SPAG9: variants seen among roughly 807,000 people sequenced by gnomAD.
The protein encoded by SPAG9 is C-Jun-amino-terminal kinase-interacting protein 4.
In SPAG9, 35 loss-of-function variants were observed where a neutral mutation model predicts 166.5. The observed-to-expected ratio is 0.21, with a 90% CI of 0.16 to 0.28. The LOEUF (loss-of-function observed/expected upper bound fraction) is 0.28. Ranked by LOEUF, SPAG9 falls within the 10% of genes least tolerant of loss-of-function variation. The pLI is 1.00. For missense variants in SPAG9, 1,235 were observed against 1,603.3 expected (o/e 0.77, Z 3.92); for synonymous variants, 534 against 565.5 (o/e 0.94, Z 0.79).
chr17:51,054,116 CTTTTTTT>C (rs1157639358), intron 3 of SPAG9, among the ~76,000 whole-genome samples: 5 of 73,948 alleles, frequency 6.8e-5, no homozygotes, highest in South Asian at 5.2e-4. Context: ...AATGTGAGGG[CTTTTTTT>C]TTTTTTTTTT....
At chr17:51,080,886 C>CAAAAAAAAAA (rs200436430) in intron 1 of SPAG9, among the ~76,000 whole-genome samples, 1 of 67,852 alleles carries the variant, frequency 1.5e-5, no homozygotes, top group African/African-American at 8.8e-5. Context: ...GACTCTATCT[C>CAAAAAAAAAA]AAAAAAAAAA....
chr17:51,041,320 A>G (rs978250547), intron 5 of SPAG9, among the ~76,000 whole-genome samples, 181 bp downstream of exon 5: 1 of 152,238 alleles, frequency 6.6e-6, no homozygotes, highest in African/African-American at 2.4e-5. Context: ...ATAATTTGAA[A>G]TAAAATAGTA....
chr17:50,980,308 C>T (rs186439496), intron 25 of SPAG9, among the ~76,000 whole-genome samples: 6 of 152,106 alleles, frequency 3.9e-5, no homozygotes, highest in African/African-American at 1.4e-4. Flanking sequence ...TGGGTTCAGG[C>T]GATTCTCCTT....
At chr17:51,103,785 G>A (rs11870110) in intron 1 of SPAG9, among the ~76,000 whole-genome samples, 1 of 152,158 alleles carries the variant, frequency 6.6e-6, no homozygotes. Flanking sequence ...GGAGAGATGG[G>A]CGGTTTATAG....
chr17:51,015,284 A>G (rs2045650413), intron 8 of SPAG9, among the ~76,000 whole-genome samples: 1 of 152,136 alleles, frequency 6.6e-6, no homozygotes, highest in Non-Finnish European at 1.5e-5. Flanking sequence ...TGAAGGTACC[A>G]GCAACCACAG....
At chr17:51,003,005 C>T (rs1378875406) in intron 12 of SPAG9, among the ~76,000 whole-genome samples, 1 of 147,394 alleles carries the variant, frequency 6.8e-6, no homozygotes, top group African/African-American at 2.5e-5. Flanking sequence ...AAAAAAAAAG[C>T]ATAGAATTGC....
intron 25 of SPAG9, among the ~76,000 whole-genome samples, chr17:50,981,217 C>T (rs1974578315): frequency 6.6e-6 from 1 of 152,026 alleles, no homozygotes; most frequent in Non-Finnish European, 1.5e-5. Context: ...ATATTTTTCA[C>T]TGTTATAAAG....
intron 5 of SPAG9, among the ~76,000 whole-genome samples, chr17:51,034,868 T>C (rs1231546463): frequency 6.6e-6 from 1 of 151,880 alleles, no homozygotes; most frequent in Admixed American, 6.6e-5. Flanking sequence ...AACCTCAATC[T>C]AATAATGAGA....
intron 1 of SPAG9, among the ~76,000 whole-genome samples, chr17:51,098,942 A>C (rs1376150577): frequency 6.6e-6 from 1 of 151,940 alleles, no homozygotes; most frequent in Non-Finnish European, 1.5e-5. Context: ...TCTACTAAAA[A>C]TACAAAAATT....
intron 8 of SPAG9, among the ~76,000 whole-genome samples, chr17:51,017,394 T>TA (rs1405654347): frequency 3.9e-5 from 6 of 152,050 alleles, no homozygotes; most frequent in South Asian, 2.1e-4. Flanking sequence ...TAAGAAGTGA[T>TA]AGAGTTGTGC....
At chr17:51,074,679 G>A (rs2047917295) in intron 2 of SPAG9, among the ~76,000 whole-genome samples, 1 of 152,038 alleles carries the variant, frequency 6.6e-6, no homozygotes. Flanking sequence ...CCTTTCCCTA[G>A]AGTATTGTCA....
intron 8 of SPAG9, chr17:51,016,110 G>A (rs1303479963): frequency 6.6e-6 from 1 of 151,856 alleles, no homozygotes; most frequent in Non-Finnish European, 1.5e-5. Context: ...TTGCAATTCT[G>A]ATGGAAAAAA....
intron 12 of SPAG9, 27 bp downstream of exon 12, chr17:51,005,185 A>T: frequency 6.2e-7 from 1 of 1,608,076 alleles, no homozygotes. Context: ...GTAAGGTAAG[A>T]AAAAAAGTCC....
chr17:51,061,923 TA>T (rs2047530039), intron 2 of SPAG9, among the ~76,000 whole-genome samples: 1 of 152,182 alleles, frequency 6.6e-6, no homozygotes, highest in Non-Finnish European at 1.5e-5. Context: ...TAACATTTGA[TA>T]AACTATCAAT....
chr17:51,086,169 AG>A (rs2048301474), intron 1 of SPAG9, among the ~76,000 whole-genome samples: 1 of 151,800 alleles, frequency 6.6e-6, no homozygotes, highest in Admixed American at 6.6e-5. Flanking sequence ...TGGTAGAGAC[AG>A]GGTTTCAGTA....
In SPAG9 at chr17:50,993,920, A is replaced by C. The variant is rs1975835125; in HGVS notation, c.2242T>G (p.Leu748Val). The change falls in exon 19 of 30, where the codon TTA (leucine) becomes GTA (valine). Residue 748 changes from leucine to valine, a missense_variant. Around this residue, in one of 6 missense-constraint regions of SPAG9, gnomAD observed 493 missense variants for 559.4 expected, o/e 0.88. Coordinates refer to ENST00000262013, the MANE Select transcript of SPAG9 (RefSeq NM_001130528.3). ...CTGGATAATTCTTCTTGATTTTTTA[A>C]CTCCTTCTGCTGTTCCTGTATAGGC... ...DQELKEQQKE[L>V]KNQEELSSLV... is the part of the protein sequence containing the mutation. 6.2e-7 allele frequency: 1 copy of C among 1,613,892 alleles called. No homozygotes were observed. Among genetic ancestry groups the C allele is most frequent in the Non-Finnish European group, 8.5e-7 (1 of 1,179,910 alleles).
intron 1 of SPAG9, among the ~76,000 whole-genome samples, chr17:51,112,715 C>T (rs1160941496): frequency 7.2e-6 from 1 of 139,750 alleles, no homozygotes; most frequent in African/African-American, 2.6e-5. Flanking sequence ...GCAGGATCCA[C>T]AAGGCAGGAG....
chr17:50,974,932 C>T lies in SPAG9; in HGVS notation c.3539G>A (p.Gly1180Asp), dbSNP rs145962155. ...IPLTETNKTS[G>D]VPGNRPGSVI... ...ACTTCCAGGACGATTTCCTGGTACA[C>T]CTGAGGTTTTATTTGCTGCAACAGA... The change falls in exon 28 of 30, where the codon GGT (glycine) becomes GAT (aspartate). Residue 1180 changes from glycine (G) to aspartate (D), a missense_variant. Transcript: ENST00000262013. The T allele has an allele frequency of 1.9e-4, 298 of 1,609,122 alleles. No individual in the cohort carries two copies. The highest frequency in any genetic ancestry group is 2.3e-4 in the Non-Finnish European group (274 of 1,178,852).
chr17:51,004,107 AAC>A (rs1195435045), intron 12 of SPAG9, among the ~76,000 whole-genome samples: 1 of 152,248 alleles, frequency 6.6e-6, no homozygotes, highest in Non-Finnish European at 1.5e-5. Flanking sequence ...TGTAGTGTGA[AAC>A]ACAAAAAAGG....
Sources: gnomAD v4.1 joint callset for allele counts (sites outside exome capture counted in the v4.1 genomes callset) on GRCh38, gnomAD v4.1.1 for gene constraint, gnomAD v4.1.1 regional missense constraint, MANE v1.5 for transcripts, NCBI Gene and HGNC (gene_info 2026-07-23, HGNC 2026-07-21) for gene names.